The following USO1 variants were observed in gnomAD, a reference collection of about 807,000 sequenced individuals.
USO1 encodes general vesicular transport factor p115.
Under a neutral mutation model 124.5 loss-of-function variants are expected in USO1, and 57 were observed. The ratio of observed to expected loss-of-function variants is 0.46; its 90% CI spans 0.37 to 0.57. The LOEUF is 0.57. Among genes scored for constraint, USO1 ranks in the 20% least tolerant of loss-of-function variants. The pLI is 0.00. For synonymous variants in USO1, 369 were observed against 362.8 expected (o/e 1.02, Z -0.19); for missense variants, 900 against 1,040.6 (o/e 0.86, Z 1.86).
chr4:75,747,626 T>G (rs970807260), intron 1 of USO1, among the ~76,000 whole-genome samples: 3 of 142,892 alleles, frequency 2.1e-5, no homozygotes, highest in African/African-American at 8.3e-5. Flanking sequence ...TTTTTTTTTT[T>G]TGAGATGGAG....
chr4:75,806,460 A>G, intron 19 of USO1, 26 bp from the exon 20 acceptor site: 2 of 1,550,910 alleles, frequency 1.3e-6, no homozygotes, highest in East Asian at 2.4e-5. Context: ...AATATATTTT[A>G]TAGTTTATTT....
chr4:75,804,199 G>C lies in USO1; in HGVS notation c.2052G>C (p.Gln684His). ...TAAAATGTCAAAATGAACAGCTCCA[G>C]ACGGCAGTCACACAGCAAGTATCAC... is the stretch of plus-strand genomic sequence containing the variant. ...STLKCQNEQL[Q>H]TAVTQQVSQI... The change falls in exon 18 of 24, where the codon CAG (glutamine) becomes CAC (histidine). Residue 684 changes from glutamine to histidine, a missense_variant. Physicochemically the swap from Gln to His is conservative, Grantham distance 24. Coordinates refer to ENST00000514213, the MANE Select transcript of USO1 (RefSeq NM_003715.4). 6.2e-7 allele frequency: 1 copy of C among 1,613,638 alleles called. No homozygotes were observed. Among genetic ancestry groups the C allele is most frequent in the Non-Finnish European group, 8.5e-7 (1 of 1,179,738 alleles).
chr4:75,813,061 C>G (rs530756650), intron 23 of USO1, 145 bp from the exon 24 acceptor site: 5 of 744,490 alleles, frequency 6.7e-6, no homozygotes, highest in Non-Finnish European at 9.6e-6. Context: ...TGCAGTGAGC[C>G]GAGATCGCAC....
At chr4:75,753,178 G>T (rs1321296096) in intron 3 of USO1, among the ~76,000 whole-genome samples, 2 of 152,122 alleles carry the variant, frequency 1.3e-5, no homozygotes, top group Non-Finnish European at 1.5e-5. Context: ...CAGCACCTTG[G>T]AAGGCTGAGG....
chr4:75,747,534 CA>C (rs1721158902), intron 1 of USO1, among the ~76,000 whole-genome samples: 1 of 151,848 alleles, frequency 6.6e-6, no homozygotes, highest in Non-Finnish European at 1.5e-5. Context: ...TTCAGTATCC[CA>C]AAGTGTTAGG....
rs571869583 is a variant in USO1 at position 75,724,983 on chromosome 4, T to G, written c.66+98T>G. The stretch of plus-strand genomic sequence containing the variant: ...GAAGGTCACCTCCAGCGTCCCACCA[T>G]GGAGGGGGCATCCACATGCCGCCTC... On this transcript the variant is annotated intron_variant, in intron 1 of 23. Coordinates refer to ENST00000514213, the MANE Select transcript of USO1 (RefSeq NM_003715.4). The G allele has an allele frequency of 4.4e-6, 6 of 1,369,736 alleles. No individual in the cohort carries two copies. In the South Asian group the frequency reaches 7.5e-5, roughly 17 times the overall value. 84.8% of individuals were successfully genotyped at this position (1,369,736 alleles called of 1,614,324 possible). A position where few individuals can be genotyped will look rare whatever the true frequency, so the allele number is the denominator to read the frequency against.
chr4:75,733,758 G>A (rs959731021), intron 1 of USO1, among the ~76,000 whole-genome samples: 5 of 152,102 alleles, frequency 3.3e-5, no homozygotes, highest in Non-Finnish European at 7.4e-5. Context: ...TTTCTCCCAG[G>A]TTATAAGTTG....
At position 75,774,787 on chromosome 4, in the gene USO1, A is replaced by G. The variant is rs1722028270; in HGVS notation, c.667A>G (p.Ser223Gly). 1 of 1,613,416 alleles carries G rather than the reference A, an allele frequency of 6.2e-7. No homozygotes were observed. Among genetic ancestry groups the G allele is most frequent in the Admixed American group, 1.7e-5 (1 of 59,948 alleles). Reference protein sequence around the residue: ...LLDIISEEGNSDGGIVVEDCL... With the variant: ...LLDIISEEGNGDGGIVVEDCL... ...GGACATTATTTCAGAGGAGGGGAAC[A>G]GTGATGGAGGTATAGTATGAAGAAA... The change falls in exon 8 of 24, where the codon AGT becomes GGT. Residue 223 changes from serine to glycine, a missense_variant. Transcript: ENST00000514213.
intron 1 of USO1, among the ~76,000 whole-genome samples, chr4:75,734,718 CTT>C (rs55928639): frequency 3.0e-3 from 144 of 47,422 alleles, no homozygotes; most frequent in African/African-American, 0.012. Context: ...GGCAGTATGG[CTT>C]TTTTTTTTTT....
intron 9 of USO1, among the ~76,000 whole-genome samples, chr4:75,784,909 T>C (rs1194956765): frequency 6.6e-6 from 1 of 152,222 alleles, no homozygotes. Context: ...AAAAAGTGAA[T>C]AAACTGACTT....
In USO1 at chr4:75,748,963, C is replaced by T. The variant is rs1446557948; in HGVS notation, c.67-3410C>T. 2.6e-5 allele frequency among the ~76,000 whole-genome samples: 4 copies of T among 151,370 alleles called. No individual in the cohort carries two copies. The East Asian group carries it at 5.8e-4, about 22-fold the overall frequency. On this transcript the variant is annotated intron_variant, in intron 1 of 23. Coordinates refer to ENST00000514213, the MANE Select transcript of USO1 (RefSeq NM_003715.4). ...AAGTAGTAAAAAAAATATATATATA[C>T]ATATATGTGTATATATATGTATATA...
intron 7 of USO1, among the ~76,000 whole-genome samples, chr4:75,772,019 A>T (rs1219984399): frequency 6.6e-6 from 1 of 152,114 alleles, no homozygotes; most frequent in Non-Finnish European, 1.5e-5. Context: ...TATTTATGGT[A>T]TTGGCCGTGT....
intron 1 of USO1, among the ~76,000 whole-genome samples, chr4:75,733,169 G>A (rs1012259689): frequency 6.6e-6 from 1 of 151,760 alleles, no homozygotes; most frequent in Non-Finnish European, 1.5e-5. Flanking sequence ...TGAGGCAGGA[G>A]AATAGCTTGA....
chr4:75,732,588 A>G (rs1389336774), intron 1 of USO1, among the ~76,000 whole-genome samples: 2 of 152,314 alleles, frequency 1.3e-5, no homozygotes, highest in East Asian at 1.9e-4. Context: ...TACAATAAAT[A>G]GTCATAGTTA....
At chr4:75,764,066 G>A (rs1314459323) in intron 4 of USO1, among the ~76,000 whole-genome samples, 1 of 152,158 alleles carries the variant, frequency 6.6e-6, no homozygotes, top group Non-Finnish European at 1.5e-5. Context: ...TGTTAAACCA[G>A]AAGGAACCAT....
intron 1 of USO1, among the ~76,000 whole-genome samples, chr4:75,726,578 A>AT (rs1035017657): frequency 6.3e-4 from 96 of 152,170 alleles, no homozygotes; most frequent in African/African-American, 2.2e-3. Context: ...AAAAAAAAAA[A>AT]AAATAACTGC....
chr4:75,763,124 T>C (rs1721668856), intron 4 of USO1, among the ~76,000 whole-genome samples: 1 of 152,192 alleles, frequency 6.6e-6, no homozygotes, highest in Non-Finnish European at 1.5e-5. Context: ...TCCAGAAATG[T>C]TTTTAAATAT....
chr4:75,727,089 GT>G (rs1720485993), intron 1 of USO1, among the ~76,000 whole-genome samples: 1 of 152,180 alleles, frequency 6.6e-6, no homozygotes, highest in South Asian at 2.1e-4. Flanking sequence ...ACCCTTTCCT[GT>G]TTTTGTTATT....
At chr4:75,725,263 T>G (rs569300476) in intron 1 of USO1, among the ~76,000 whole-genome samples, 3 of 152,320 alleles carry the variant, frequency 2.0e-5, no homozygotes, top group African/African-American at 7.2e-5. Flanking sequence ...TTCGCTCGTC[T>G]GCACTGGCCG....
Sources: gnomAD v4.1 joint callset for allele counts (sites outside exome capture counted in the v4.1 genomes callset) on GRCh38, gnomAD v4.1.1 for gene constraint, MANE v1.5 for transcripts, NCBI Gene and HGNC (gene_info 2026-07-23, HGNC 2026-07-21) for gene names.